SLC9B1: variants seen among roughly 807,000 people sequenced by gnomAD.
SLC9B1 encodes the protein sodium/hydrogen exchanger 9B1.
Under a neutral mutation model 51.7 loss-of-function variants are expected in SLC9B1, and 32 were observed. That is an observed-to-expected ratio of 0.62 (90% CI 0.47 to 0.83). The LOEUF is 0.83. Ranked by LOEUF, SLC9B1 falls within the 40% of genes least tolerant of loss-of-function variation. The pLI is 0.00. For synonymous variants in SLC9B1, 145 were observed against 212.7 expected (o/e 0.68, Z 2.77); for missense variants, 406 against 613.2 (o/e 0.66, Z 3.57).
chr4:102,959,947 T>C (rs923205621), intron 3 of SLC9B1, among the ~76,000 whole-genome samples: 6 of 152,048 alleles, frequency 3.9e-5, no homozygotes, highest in Non-Finnish European at 5.9e-5. Context: ...GACACAAGTT[T>C]ACCTATGTTA....
At chr4:102,932,445 C>A in intron 6 of SLC9B1, 146 bp from the exon 7 acceptor site, 1 of 778,010 alleles carries the variant, frequency 1.3e-6, no homozygotes. Context: ...GGTGATAAAA[C>A]TTTTCATGCA....
chr4:102,903,680 T>C (rs2110423837), intron 11 of SLC9B1, among the ~76,000 whole-genome samples: 1 of 152,384 alleles, frequency 6.6e-6, no homozygotes, highest in South Asian at 2.1e-4. Flanking sequence ...AGGTATATTA[T>C]GCTGCCAAGT....
At chr4:102,965,040 A>G (rs866027296) in intron 3 of SLC9B1, among the ~76,000 whole-genome samples, 18 of 152,190 alleles carry the variant, frequency 1.2e-4, no homozygotes, top group Middle Eastern at 3.4e-3. Flanking sequence ...TCCCAGACTT[A>G]CTAGAACTAA....
chr4:102,945,380 T>C, intron 5 of SLC9B1, 60 bp from the exon 6 acceptor site: 1 of 1,470,194 alleles, frequency 6.8e-7, no homozygotes, highest in South Asian at 1.5e-5. Context: ...AAAATTATTT[T>C]AACAAATGTC....
intron 1 of SLC9B1, among the ~76,000 whole-genome samples, chr4:103,006,979 TA>T (rs1740822816): frequency 6.6e-6 from 1 of 152,146 alleles, no homozygotes; most frequent in Non-Finnish European, 1.5e-5. Flanking sequence ...GAATATATCT[TA>T]AAATAATGTC....
intron 3 of SLC9B1, among the ~76,000 whole-genome samples, chr4:102,955,527 G>T (rs1737739447): frequency 6.6e-6 from 1 of 152,118 alleles, no homozygotes; most frequent in Non-Finnish European, 1.5e-5. Context: ...GGCAGGGGTG[G>T]ATTTGGTATG....
intron 3 of SLC9B1, among the ~76,000 whole-genome samples, chr4:102,971,440 C>A (rs186532676): frequency 3.3e-5 from 5 of 151,900 alleles, no homozygotes; most frequent in African/African-American, 1.2e-4. Context: ...TTGAAACCAA[C>A]GAGAACAAAG....
intron 7 of SLC9B1, among the ~76,000 whole-genome samples, chr4:102,929,621 A>C (rs1467859619): frequency 2.0e-5 from 3 of 152,166 alleles, no homozygotes; most frequent in African/African-American, 7.2e-5. Context: ...CTTGGGTTCA[A>C]GCAATTCTTG....
chr4:102,928,913 G>T (rs1435452701), intron 7 of SLC9B1, among the ~76,000 whole-genome samples: 4 of 152,120 alleles, frequency 2.6e-5, no homozygotes, highest in Non-Finnish European at 5.9e-5. Flanking sequence ...TTGAGTGCAG[G>T]AAGCATCCAG....
chr4:102,958,340 T>A (rs1041679929), intron 3 of SLC9B1, among the ~76,000 whole-genome samples: 2 of 152,222 alleles, frequency 1.3e-5, no homozygotes, highest in African/African-American at 4.8e-5. Flanking sequence ...GCCATGATTG[T>A]AAGCTTCCTG....
intron 7 of SLC9B1, among the ~76,000 whole-genome samples, chr4:102,916,341 G>A (rs1390880260): frequency 6.6e-6 from 1 of 151,952 alleles, no homozygotes; most frequent in Non-Finnish European, 1.5e-5. Flanking sequence ...AAGAGACAAG[G>A]ATATTACATA....
intron 3 of SLC9B1, among the ~76,000 whole-genome samples, chr4:102,954,549 T>C (rs1737681732): frequency 1.3e-5 from 2 of 151,882 alleles, no homozygotes; most frequent in East Asian, 1.9e-4. Context: ...TCAGCAACAA[T>C]AGAAGATGGA....
chr4:102,889,584 T>A (rs1258688778), intron 11 of SLC9B1: 2 of 152,238 alleles, frequency 1.3e-5, no homozygotes, highest in African/African-American at 4.8e-5. Flanking sequence ...TCATAAAAGG[T>A]AATTTTAATA....
At chr4:103,001,799 C>T (rs1212645293) in intron 1 of SLC9B1, among the ~76,000 whole-genome samples, 2 of 152,214 alleles carry the variant, frequency 1.3e-5, no homozygotes, top group Admixed American at 6.5e-5. Flanking sequence ...GTACCCCACT[C>T]TTCACAGTAC....
Position 102,932,177 on chromosome 4 carries a change from T to G in SLC9B1, c.776A>C (p.Asp259Ala). 1 of 1,612,004 alleles carries G rather than the reference T, an allele frequency of 6.2e-7. No individual in the cohort carries two copies. The highest frequency in any genetic ancestry group is 8.5e-7 in the Non-Finnish European group (1 of 1,179,818). ...TLLMAASSMD[D>A]ILAITGFNTC... is the part of the protein sequence containing the mutation. The stretch of plus-strand genomic sequence containing the variant: ...ATTGAATCCAGTGATAGCCAGAATG[T>G]CATCCATACTGCTAGCAGCCATTAA... Residue 259 changes from aspartate (D) to alanine (A), a missense_variant, in exon 7 of 12, where the codon GAC becomes GCC. This residue lies in a region of SLC9B1 where 250 missense variants were observed against 394.1 expected (regional missense o/e 0.63). Transcript: ENST00000296422.
chr4:102,940,151 A>G (rs1369740257), intron 6 of SLC9B1, among the ~76,000 whole-genome samples: 1 of 152,234 alleles, frequency 6.6e-6, no homozygotes. Flanking sequence ...TGACTTCAGC[A>G]AAGTTTCAGG....
At chr4:102,976,129 G>A (rs1217384907) in intron 3 of SLC9B1, among the ~76,000 whole-genome samples, 1 of 152,176 alleles carries the variant, frequency 6.6e-6, no homozygotes, top group African/African-American at 2.4e-5. Flanking sequence ...GTGATCATTG[G>A]TGTCAAAAGC....
intron 5 of SLC9B1, among the ~76,000 whole-genome samples, chr4:102,945,894 T>TC (rs750553353): frequency 5.8e-4 from 89 of 152,178 alleles, no homozygotes; most frequent in Non-Finnish European, 1.1e-3. Context: ...TCATGAATAG[T>TC]CATCTTCTTA....
chr4:102,932,120 T>A lies in SLC9B1; in HGVS notation c.829+4A>T. On this transcript the variant is annotated splice_donor_region_variant and intron_variant, in intron 7 of 11. Coordinates refer to ENST00000296422, the MANE Select transcript of SLC9B1 (RefSeq NM_139173.4). ...TCTAGTGGTTGTTATATTTTCTTGT[T>A]TACCTGAGGAAAAGACTATGCTCAA... 1 of 1,611,752 alleles carries A rather than the reference T, an allele frequency of 6.2e-7. No individual in the cohort carries two copies. Among genetic ancestry groups the A allele is most frequent in the East Asian group, 2.2e-5 (1 of 44,842 alleles).
Sources: gnomAD v4.1 joint callset for allele counts (sites outside exome capture counted in the v4.1 genomes callset) on GRCh38, gnomAD v4.1.1 for gene constraint, gnomAD v4.1.1 regional missense constraint, MANE v1.5 for transcripts, NCBI Gene and HGNC (gene_info 2026-07-23, HGNC 2026-07-21) for gene names.